PHKB: variants seen among roughly 807,000 people sequenced by gnomAD.
The protein encoded by PHKB is phosphorylase b kinase regulatory subunit beta.
A neutral mutation model predicts 152.1 loss-of-function variants in PHKB; 122 were observed. The observed-to-expected ratio is 0.80, with a 90% CI of 0.69 to 0.93. The LOEUF (loss-of-function observed/expected upper bound fraction) is 0.93, where lower values mean the gene tolerates loss of function less well. Among genes scored for constraint, PHKB ranks in the 40% least tolerant of loss-of-function variants. PHKB has a pLI of 0.00. For missense variants in PHKB, 1,304 were observed against 1,328.4 expected (o/e 0.98, Z 0.29); for synonymous variants, 436 against 464.9 (o/e 0.94, Z 0.80).
chr16:47,597,031 C>G (rs989046729), intron 13 of PHKB, among the ~76,000 whole-genome samples: 5 of 152,044 alleles, frequency 3.3e-5, no homozygotes, highest in African/African-American at 1.2e-4. Context: ...TCTTCTCCTA[C>G]AACTTGAACT....
chr16:47,565,006 C>A, intron 7 of PHKB: 1 of 262,836 alleles, frequency 3.8e-6, no homozygotes, highest in South Asian at 4.4e-5. Flanking sequence ...TTTGTCTTGT[C>A]TGGATAGAGG....
In PHKB at chr16:47,626,199, C is replaced by G. The variant is rs529739785; in HGVS notation, c.1459-14836C>G. Among the ~76,000 whole-genome samples, 142 of 152,310 alleles carry G rather than the reference C, an allele frequency of 9.3e-4. 1 individual carries two copies. Among genetic ancestry groups the G allele is most frequent in the African/African-American group, 3.3e-3 (136 of 41,552 alleles). ...AAAGAGTGATGGTGGAGTATCTCCTCTGCAGTTGGGTCCCCTGTGTGAATC... is the reference window on the plus strand; with the variant it reads ...AAAGAGTGATGGTGGAGTATCTCCTGTGCAGTTGGGTCCCCTGTGTGAATC... On this transcript the variant is annotated intron_variant, in intron 14 of 30. Transcript: ENST00000323584.
At chr16:47,649,061 G>A (rs1973186693) in intron 17 of PHKB, 39 bp from the exon 18 acceptor site, 3 of 1,121,058 alleles carry the variant, frequency 2.7e-6, no homozygotes, top group Non-Finnish European at 4.1e-6. Flanking sequence ...CCTTTGGTAT[G>A]TTCTTTAGTT....
chr16:47,604,824 G>A (rs1972294817), intron 13 of PHKB, among the ~76,000 whole-genome samples: 1 of 152,132 alleles, frequency 6.6e-6, no homozygotes, highest in Non-Finnish European at 1.5e-5. Flanking sequence ...AGGATTTAAA[G>A]ACAGATATCT....
At chr16:47,621,885 T>TA (rs1258203384) in intron 14 of PHKB, among the ~76,000 whole-genome samples, 3 of 151,834 alleles carry the variant, frequency 2.0e-5, no homozygotes, top group South Asian at 4.2e-4. Flanking sequence ...AATGCCTTGA[T>TA]AAAAAAAATC....
chr16:47,668,061 A>G (rs1468082363), intron 25 of PHKB, among the ~76,000 whole-genome samples: 4 of 152,252 alleles, frequency 2.6e-5, no homozygotes, highest in African/African-American at 9.6e-5. Flanking sequence ...TTTACAAAAA[A>G]GAAATGAGAA....
intron 26 of PHKB, among the ~76,000 whole-genome samples, chr16:47,670,875 A>C (rs1023001728): frequency 6.6e-6 from 1 of 151,938 alleles, no homozygotes; most frequent in African/African-American, 2.4e-5. Context: ...TTACTTTTCA[A>C]CTTTTTTTTT....
intron 25 of PHKB, among the ~76,000 whole-genome samples, chr16:47,666,738 T>C (rs1188622618): frequency 6.6e-6 from 1 of 152,224 alleles, no homozygotes; most frequent in Non-Finnish European, 1.5e-5. Flanking sequence ...TGGGGCCTTG[T>C]TTGGAAAAAG....
rs1279199570 is a variant in PHKB at position 47,649,147 on chromosome 16, C to T, written c.1740C>T (p.Phe580=). 4.3e-6 allele frequency: 7 copies of T among 1,610,806 alleles called. No individual in the cohort carries two copies. The highest frequency in any genetic ancestry group is 2.7e-5 in the African/African-American group (2 of 74,826). The change falls in exon 18 of 31, where the codon TTC becomes TTT. Residue 580 remains phenylalanine, a synonymous_variant. Coordinates refer to ENST00000323584, the MANE Select transcript of PHKB (RefSeq NM_000293.3). ...GKTVVCYPII[F]DLSDFYMSQD... is the part of the protein sequence containing the mutation. ...CTGTGGTTTGTTACCCGATTATTTTCGACCTAAGTGATTTCTACATGTCTC... is the reference window on the plus strand; with the variant it reads ...CTGTGGTTTGTTACCCGATTATTTTTGACCTAAGTGATTTCTACATGTCTC...
At chr16:47,497,865 C>T (rs1004413476) in intron 2 of PHKB, among the ~76,000 whole-genome samples, 2 of 152,020 alleles carry the variant, frequency 1.3e-5, no homozygotes, top group African/African-American at 4.8e-5. Context: ...TTTTTATATC[C>T]GTTTCTAATT....
intron 2 of PHKB, among the ~76,000 whole-genome samples, chr16:47,498,014 G>C (rs566432993): frequency 6.6e-6 from 1 of 152,274 alleles, no homozygotes; most frequent in East Asian, 1.9e-4. Context: ...TCAGATATGT[G>C]TATAAGGGCC....
intron 6 of PHKB, among the ~76,000 whole-genome samples, chr16:47,530,132 CTTTTTTTTT>C (rs201960518): frequency 3.1e-5 from 4 of 129,748 alleles, no homozygotes; most frequent in Non-Finnish European, 4.9e-5. Flanking sequence ...ATATAAACTC[CTTTTTTTTT>C]TTTTTTTTTT....
Position 47,468,634 on chromosome 16 carries a change from C to G in PHKB, c.76+7208C>G, listed in dbSNP as rs978514919. Among the ~76,000 whole-genome samples, 3 of 152,230 alleles carry G rather than the reference C, an allele frequency of 2.0e-5. No individual in the cohort carries two copies. The South Asian group carries it at 6.2e-4, about 31-fold the overall frequency. On this transcript the variant is annotated intron_variant, in intron 1 of 30. Transcript: ENST00000323584. ...TGCCATTGCACTCCAGCCTGGGCAA[C>G]AAGATCGAAACTGTGTCTCACAAAA...
intron 26 of PHKB, among the ~76,000 whole-genome samples, chr16:47,673,233 C>T (rs542390260): frequency 5.3e-5 from 8 of 151,854 alleles, no homozygotes; most frequent in African/African-American, 1.7e-4. Flanking sequence ...CAGTCTCTTT[C>T]ATCAGAGATA....
intron 13 of PHKB, among the ~76,000 whole-genome samples, chr16:47,606,004 T>A (rs1972316891): frequency 6.6e-6 from 1 of 152,084 alleles, no homozygotes; most frequent in Admixed American, 6.5e-5. Context: ...AGTGATAAGG[T>A]TGTTGTGAGG....
intron 14 of PHKB, among the ~76,000 whole-genome samples, chr16:47,625,741 C>T (rs756592382): frequency 2.0e-5 from 3 of 152,110 alleles, no homozygotes; most frequent in Non-Finnish European, 2.9e-5. Context: ...TCATCTTTCT[C>T]ACTGAAATGT....
chr16:47,599,099 C>T (rs1972175295), intron 13 of PHKB: 1 of 536,878 alleles, frequency 1.9e-6, no homozygotes, highest in South Asian at 2.7e-5. Context: ...ATTTCCGTCT[C>T]ACTAGCATAA....
At chr16:47,530,632 G>A (rs1970846489) in intron 6 of PHKB, among the ~76,000 whole-genome samples, 1 of 152,140 alleles carries the variant, frequency 6.6e-6, no homozygotes, top group Non-Finnish European at 1.5e-5. Context: ...AAATATAGTT[G>A]TAAAGCTGGA....
chr16:47,621,338 A>G (rs1417385093), intron 14 of PHKB, among the ~76,000 whole-genome samples: 1 of 152,194 alleles, frequency 6.6e-6, no homozygotes, highest in Non-Finnish European at 1.5e-5. Context: ...GAAAGGTTAT[A>G]AACCCCTCCT....
Sources: allele counts gnomAD v4.1 joint callset (sites outside exome capture counted in the v4.1 genomes callset), GRCh38; gene constraint gnomAD v4.1.1; transcripts MANE v1.5; gene names NCBI Gene and HGNC (gene_info 2026-07-23, HGNC 2026-07-21).